ANP32E: variants seen among roughly 807,000 people sequenced by gnomAD.
The protein encoded by ANP32E is acidic leucine-rich nuclear phosphoprotein 32 family member E.
ANP32E carries 14 observed loss-of-function variants against 35.3 expected under a neutral mutation model. That is an observed-to-expected ratio of 0.40 (90% CI 0.26 to 0.62). The LOEUF (loss-of-function observed/expected upper bound fraction) is 0.62. Ranked by LOEUF, ANP32E falls within the 20% of genes least tolerant of loss-of-function variation. The pLI, the probability that ANP32E is intolerant of heterozygous loss-of-function variation, is 0.45. For missense variants in ANP32E, 198 were observed against 304.4 expected (o/e 0.65, Z 2.60); for synonymous variants, 89 against 110.4 (o/e 0.81, Z 1.22).
Position 150,235,894 on chromosome 1 carries a change from C to A in ANP32E, c.-108G>T. 1.4e-5 allele frequency: 10 copies of A among 729,280 alleles called. No homozygotes were observed. The highest frequency in any genetic ancestry group is 2.8e-5 in the East Asian group (1 of 35,978). The allele number at this position is 729,280 out of a possible 1,614,324, so 45.2% of individuals were successfully genotyped here. The stretch of plus-strand genomic sequence containing the variant: ...ATTTAGAAATGAATGAAAAGGAACG[C>A]AAATATAAACGCCCACTACCACCAC... On this transcript the variant is annotated 5_prime_UTR_variant, in exon 1 of 7. Transcript: ENST00000583931. The surrounding 1 kb of genome is among the most constrained non-coding windows in gnomAD (Gnocchi z 4.2).
intron 6 of ANP32E, among the ~76,000 whole-genome samples, chr1:150,222,161 C>T (rs1382220685): frequency 6.6e-6 from 1 of 151,956 alleles, no homozygotes; most frequent in African/African-American, 2.4e-5. Flanking sequence ...TGGCTCACGC[C>T]TATAATCCCA....
rs1393005779 is a variant in ANP32E at position 150,235,935 on chromosome 1, G to C, written c.-149C>G. ...CTACCACCACCAGATAGGTGTGGGG[G>C]AGAAAGAAGAGAATAGCAAATGGAG... On this transcript the variant is annotated 5_prime_UTR_variant, in exon 1 of 7. Coordinates refer to ENST00000583931, the MANE Select transcript of ANP32E (RefSeq NM_030920.5). The surrounding 1 kb of genome is among the most constrained non-coding windows in gnomAD (Gnocchi z 4.2). 1 of 624,224 alleles carries C rather than the reference G, an allele frequency of 1.6e-6. No individual in the cohort carries two copies. Among genetic ancestry groups the C allele is most frequent in the African/African-American group, 1.8e-5 (1 of 54,198 alleles). The allele number at this position is 624,224 out of a possible 1,614,324, so 38.7% of individuals were successfully genotyped here.
At position 150,229,298 on chromosome 1, in the gene ANP32E, C is replaced by CTTTTTTTTT. The variant is rs368884324; in HGVS notation, c.328-70_328-62dup. 4,179 of 429,912 alleles carry CTTTTTTTTT rather than the reference C, an allele frequency of 9.7e-3. 21 individuals are homozygous for CTTTTTTTTT. The highest frequency in any genetic ancestry group is 0.015 in the Admixed American group (262 of 17,164). The allele number at this position is 429,912 out of a possible 1,614,324, so 26.6% of individuals were successfully genotyped here. On this transcript the variant is annotated intron_variant, in intron 3 of 6. Transcript: ENST00000583931. ...TAAAATACCATGTTATTTCTTTTTT[C>CTTTTTTTTT]TTTTTTTTTTTTTTTTTTTGAGACG...
chr1:150,235,687 A>C lies in ANP32E; in HGVS notation c.54+46T>G, dbSNP rs74395486. 4.5e-3 allele frequency: 7,279 copies of C among 1,610,914 alleles called. 258 individuals are homozygous for C. The African/African-American group carries it at 0.073, about 16-fold the overall frequency. On this transcript the variant is annotated intron_variant, in intron 1 of 6. Transcript: ENST00000583931. This position sits in a 1 kb window ranked among gnomAD's most constrained non-coding sequence, Gnocchi z 4.2. ...CAGGACCACCAGAAATCCGATCCTC[A>C]GAATACTGGACTGATGGGGAAGCGG...
intron 5 of ANP32E, among the ~76,000 whole-genome samples, chr1:150,226,406 TG>T (rs1648879238): frequency 6.6e-6 from 1 of 152,158 alleles, no homozygotes; most frequent in South Asian, 2.1e-4. Flanking sequence ...GAAAGTTATC[TG>T]GGAGGTAAAA....
rs1275899429 is a variant in ANP32E, at chr1:150,231,944, T to C, written c.55-18A>G. ...TCTGTCACCTGTAAGAGGGAAAACA[T>C]TAATTAATGATTCTTTAGTTTGTAA... On this transcript the variant is annotated intron_variant, in intron 1 of 6. Transcript: ENST00000583931. 6.2e-7 allele frequency: 1 copy of C among 1,606,732 alleles called. No individual in the cohort carries two copies. Among genetic ancestry groups the C allele is most frequent in the Non-Finnish European group, 8.5e-7 (1 of 1,177,562 alleles).
Position 150,236,042 on chromosome 1 carries a change from GC to G in ANP32E, c.-257del. On this transcript the variant is annotated 5_prime_UTR_variant, in exon 1 of 7. An upstream open reading frame in the 5' UTR gains an earlier in-frame stop. Coordinates refer to ENST00000583931, the MANE Select transcript of ANP32E (RefSeq NM_030920.5). ...CGCGCACACACACGCACGCACGCGCGCACACACATACACACACACATACACA... is the reference window on the plus strand; with the variant it reads ...CGCGCACACACACGCACGCACGCGCGACACACATACACACACACATACACA... 5.7e-6 allele frequency: 3 copies of G among 525,336 alleles called. No homozygotes were observed. Among genetic ancestry groups the G allele is most frequent in the Non-Finnish European group, 1.0e-5 (3 of 290,286 alleles). 32.5% of individuals were successfully genotyped at this position (525,336 alleles called of 1,614,324 possible). A position where few individuals can be genotyped will look rare whatever the true frequency, so the allele number is the denominator to read the frequency against.
At chr1:150,222,728 G>A (rs1333264797) in intron 6 of ANP32E, among the ~76,000 whole-genome samples, 3 of 151,342 alleles carry the variant, frequency 2.0e-5, no homozygotes, top group Non-Finnish European at 2.9e-5. Flanking sequence ...CACTGTACTC[G>A]CCTGGGTAAC....
rs1428843036 is a variant in ANP32E, at chr1:150,227,877, C to T, written c.494-1082G>A. On this transcript the variant is annotated intron_variant, in intron 4 of 6. Transcript: ENST00000583931. ...ACTAACAGCTATTCTGTCATCTGATCTGTTAGTCATCCACTTACCTAAAAC... is the reference window on the plus strand; with the variant it reads ...ACTAACAGCTATTCTGTCATCTGATTTGTTAGTCATCCACTTACCTAAAAC... 1.1e-4 allele frequency among the ~76,000 whole-genome samples: 17 copies of T among 150,832 alleles called. No individual in the cohort carries two copies. The East Asian group carries it at 2.8e-3, about 25-fold the overall frequency.
intron 5 of ANP32E, among the ~76,000 whole-genome samples, chr1:150,223,704 TA>T (rs1217892006): frequency 1 from 119,365 of 119,374 alleles, 59,678 homozygotes; most frequent in Middle Eastern, 1. Flanking sequence ...AAAAAAAACC[TA>T]AACTAAATCT....
In ANP32E at chr1:150,226,873, C is replaced by A. The variant is rs57412226; in HGVS notation, c.494-78G>T. 8,039 of 1,498,904 alleles carry A rather than the reference C, an allele frequency of 5.4e-3. 377 individuals carry two copies. The African/African-American group carries it at 0.1, about 19-fold the overall frequency. 92.9% of individuals were successfully genotyped at this position (1,498,904 alleles called of 1,614,324 possible). On this transcript the variant is annotated intron_variant, in intron 4 of 6. Coordinates refer to ENST00000583931, the MANE Select transcript of ANP32E (RefSeq NM_030920.5). ...AGGATGTTGATGCTTTTTACCCTTG[C>A]CCAATCACTTCAAACTTGTAAGCCA...
rs995179145 is a variant in ANP32E at position 150,235,926 on chromosome 1, G to A, written c.-140C>T. ...AAACGCCCACTACCACCACCAGATA[G>A]GTGTGGGGGAGAAAGAAGAGAATAG... On this transcript the variant is annotated 5_prime_UTR_variant, in exon 1 of 7. Transcript: ENST00000583931. This position sits in a 1 kb window ranked among gnomAD's most constrained non-coding sequence, Gnocchi z 4.2. 1 of 636,702 alleles carries A rather than the reference G, an allele frequency of 1.6e-6. No individual in the cohort carries two copies. Among genetic ancestry groups the A allele is most frequent in the African/African-American group, 1.8e-5 (1 of 54,520 alleles). The allele number at this position is 636,702 out of a possible 1,614,324, so 39.4% of individuals were successfully genotyped here. A position where few individuals can be genotyped will look rare whatever the true frequency, so the allele number is the denominator to read the frequency against.
rs1339242877 is a variant in ANP32E, at chr1:150,225,665, T to TCAAAAAAAAAAA, written c.681+942_681+943insTTTTTTTTTTTG. On this transcript the variant is annotated intron_variant, in intron 5 of 6. Coordinates refer to ENST00000583931, the MANE Select transcript of ANP32E (RefSeq NM_030920.5). ...CAGCCTGGGCAACAGAGTGAGACTG[T>TCAAAAAAAAAAA]AACAAAAAAAAAAAAAAAAAAAAAA... Among the ~76,000 whole-genome samples the TCAAAAAAAAAAA allele has an allele frequency of 1.1e-4, 9 of 83,548 alleles. 4 individuals are homozygous for TCAAAAAAAAAAA. Among genetic ancestry groups the TCAAAAAAAAAAA allele is most frequent in the African/African-American group, 3.9e-4 (7 of 18,078 alleles). 54.8% of individuals were successfully genotyped at this position (83,548 alleles called of 152,430 possible).
At chr1:150,231,949 T>G in intron 1 of ANP32E, 23 bp from the exon 2 acceptor site, 1 of 1,605,316 alleles carries the variant, frequency 6.2e-7, no homozygotes, top group Non-Finnish European at 8.5e-7. Flanking sequence ...AAACATTAAT[T>G]AATGATTCTT....
Position 150,235,925 on chromosome 1 carries a change from A to G in ANP32E, c.-139T>C. The stretch of plus-strand genomic sequence containing the variant: ...TAAACGCCCACTACCACCACCAGAT[A>G]GGTGTGGGGGAGAAAGAAGAGAATA... On this transcript the variant is annotated 5_prime_UTR_variant, in exon 1 of 7. Coordinates refer to ENST00000583931, the MANE Select transcript of ANP32E (RefSeq NM_030920.5). The surrounding 1 kb of genome is among the most constrained non-coding windows in gnomAD (Gnocchi z 4.2). The G allele has an allele frequency of 1.5e-6, 1 of 649,390 alleles. No individual in the cohort carries two copies. Among genetic ancestry groups the G allele is most frequent in the Non-Finnish European group, 2.7e-6 (1 of 363,810 alleles). 40.2% of individuals were successfully genotyped at this position (649,390 alleles called of 1,614,324 possible).
intron 3 of ANP32E, 100 bp from the exon 4 acceptor site, chr1:150,229,337 T>C: frequency 1.4e-6 from 1 of 738,080 alleles, no homozygotes; most frequent in Admixed American, 3.2e-5. Flanking sequence ...TCTAGCTCTG[T>C]TGCCAGCTGG....
chr1:150,229,098 G>A lies in ANP32E; in HGVS notation c.467C>T (p.Pro156Leu), dbSNP rs1553840925. Residue 156 changes from proline (P) to leucine (L), a missense_variant, in exon 4 of 7, where the codon CCG becomes CTG. Transcript: ENST00000583931. ...CTCATCATCCTCCTCTTCAGAGTCC[G>A]GCGCTTCATTATCCTCCTGATCAAA... ...DGFDQEDNEA[P>L]DSEEEDDEDG... The A allele has an allele frequency of 9.9e-6, 16 of 1,612,958 alleles. No homozygotes were observed. Among genetic ancestry groups the A allele is most frequent in the Admixed American group, 1.7e-5 (1 of 59,772 alleles).
intron 4 of ANP32E, 132 bp downstream of exon 4, chr1:150,228,940 T>C: frequency 4.0e-6 from 3 of 746,974 alleles, no homozygotes; most frequent in Non-Finnish European, 4.4e-6. Context: ...GGGTTTTTAA[T>C]TTTTTCTTGT....
chr1:150,233,932 G>A (rs1404264250), intron 1 of ANP32E, among the ~76,000 whole-genome samples: 1 of 152,034 alleles, frequency 6.6e-6, no homozygotes, highest in Non-Finnish European at 1.5e-5. Context: ...TAGATTTGGT[G>A]TCAGAAAACC....
Sources: allele counts gnomAD v4.1 joint callset (sites outside exome capture counted in the v4.1 genomes callset), GRCh38; gene constraint gnomAD v4.1.1; non-coding constraint Gnocchi (gnomAD v3.1); transcripts MANE v1.5; gene names NCBI Gene and HGNC (gene_info 2026-07-23, HGNC 2026-07-21).